Variants in ST6GALNAC3 observed in about 807,000 individuals in gnomAD.
ST6GALNAC3 encodes ST6 N-acetylgalactosaminide alpha-2,6-sialyltransferase 3, also known as alpha-N-acetylgalactosaminide alpha-2,6-sialyltransferase 3.
In ST6GALNAC3, 25 loss-of-function variants were observed where a neutral mutation model predicts 32.7. That is an observed-to-expected ratio of 0.76 (90% CI 0.56 to 1.07). ST6GALNAC3 has a LOEUF of 1.07. ST6GALNAC3 is among the 50% of genes least tolerant of loss of function. The pLI is 0.00. For missense variants in ST6GALNAC3, 355 were observed against 382.4 expected, an observed-to-expected ratio of 0.93 and a Z score of 0.60; for synonymous variants, 129 against 133.1, an observed-to-expected ratio of 0.97 and a Z score of 0.21.
chr1:76,517,970 T>A (rs1416760120), intron 3 of ST6GALNAC3, among the ~76,000 whole-genome samples: 2 of 152,060 alleles, frequency 1.3e-5, no homozygotes, highest in Non-Finnish European at 2.9e-5. Flanking sequence ...ATGTAGTCAA[T>A]CTTTTAAAAT....
intron 1 of ST6GALNAC3, among the ~76,000 whole-genome samples, chr1:76,214,017 A>G (rs1159172863): frequency 6.6e-6 from 1 of 152,182 alleles, no homozygotes; most frequent in Non-Finnish European, 1.5e-5. Flanking sequence ...AAACCCAAGA[A>G]AGAGCAAAAA....
rs774393044 is a variant in ST6GALNAC3, at chr1:76,628,783, C to T, written c.895C>T (p.His299Tyr). ...WAKKHRIIFT[H>Y]PNWTLS The stretch of plus-strand genomic sequence containing the variant: ...CAAGAAGCACAGGATAATATTTACA[C>T]ATCCAAACTGGACATTGTCTTGATA... The change falls in exon 5 of 5, where the codon CAT (histidine) becomes TAT (tyrosine). Residue 299 changes from histidine (H) to tyrosine (Y), a missense_variant. By Grantham distance (83) the His-to-Tyr change is moderately conservative. Coordinates refer to ENST00000328299, the MANE Select transcript of ST6GALNAC3 (RefSeq NM_152996.4). 6.2e-7 allele frequency: 1 copy of T among 1,611,692 alleles called. No individual in the cohort carries two copies. The highest frequency in any genetic ancestry group is 8.5e-7 in the Non-Finnish European group (1 of 1,178,668).
chr1:76,278,845 A>G (rs1382750043), intron 1 of ST6GALNAC3, among the ~76,000 whole-genome samples: 2 of 152,188 alleles, frequency 1.3e-5, no homozygotes, highest in Admixed American at 6.5e-5. Flanking sequence ...TGTTTATGGT[A>G]AAGCCAGGAT....
At position 76,605,720 on chromosome 1, in the gene ST6GALNAC3, C is replaced by T. The variant is rs564401236; in HGVS notation, c.624-21732C>T. On this transcript the variant is annotated intron_variant, in intron 3 of 4. Coordinates refer to ENST00000328299, the MANE Select transcript of ST6GALNAC3 (RefSeq NM_152996.4). ...TTACTACTAAAAATACAAAAGTTAG[C>T]TGGGTGTGGTGATGGACGCCTGTAA... Among the ~76,000 whole-genome samples the T allele has an allele frequency of 1.1e-4, 16 of 151,838 alleles. No homozygotes were observed. In the East Asian group the frequency reaches 3.1e-3, roughly 29 times the overall value.
chr1:76,401,233 T>G (rs1413508407), intron 2 of ST6GALNAC3, among the ~76,000 whole-genome samples: 1 of 152,166 alleles, frequency 6.6e-6, no homozygotes, highest in African/African-American at 2.4e-5. Context: ...CATGTTTCAT[T>G]CTGAGTACTT....
intron 3 of ST6GALNAC3, among the ~76,000 whole-genome samples, chr1:76,569,149 T>C (rs1005020272): frequency 6.6e-6 from 1 of 152,152 alleles, no homozygotes; most frequent in Admixed American, 6.6e-5. Context: ...ACTGCTGTCT[T>C]TGCTGCCCAA....
chr1:76,163,196 T>C (rs1651918345), intron 1 of ST6GALNAC3, among the ~76,000 whole-genome samples: 1 of 152,342 alleles, frequency 6.6e-6, no homozygotes, highest in East Asian at 1.9e-4. Context: ...GCTATATAGA[T>C]CAACACTTAG....
intron 2 of ST6GALNAC3, among the ~76,000 whole-genome samples, chr1:76,346,649 C>T (rs569809238): frequency 3.9e-4 from 59 of 152,220 alleles, no homozygotes; most frequent in African/African-American, 1.3e-3. Context: ...TAAGGACATA[C>T]GTTTTGTGAG....
chr1:76,212,621 C>T (rs1387945348), intron 1 of ST6GALNAC3, among the ~76,000 whole-genome samples: 3 of 152,130 alleles, frequency 2.0e-5, no homozygotes, highest in Non-Finnish European at 4.4e-5. Flanking sequence ...GGGCTTATTT[C>T]CACTTCTACC....
intron 1 of ST6GALNAC3, among the ~76,000 whole-genome samples, chr1:76,312,524 G>A (rs376622160): frequency 1.8e-3 from 271 of 151,554 alleles, no homozygotes; most frequent in Middle Eastern, 3.4e-3. Context: ...CAATCTATCC[G>A]TTTGACAAAG....
intron 1 of ST6GALNAC3, among the ~76,000 whole-genome samples, chr1:76,244,869 A>G (rs1341007890): frequency 2.6e-5 from 4 of 152,118 alleles, no homozygotes; most frequent in East Asian, 1.9e-4. Context: ...GGATTTTCAC[A>G]TCGATGTTAT....
intron 2 of ST6GALNAC3, among the ~76,000 whole-genome samples, chr1:76,316,395 A>G (rs1465302449): frequency 1.3e-5 from 2 of 152,092 alleles, no homozygotes; most frequent in African/African-American, 2.4e-5. Context: ...ATTGATGAGT[A>G]GGAGAATGAA....
At chr1:76,382,036 AC>A (rs1651749358) in intron 2 of ST6GALNAC3, among the ~76,000 whole-genome samples, 1 of 152,164 alleles carries the variant, frequency 6.6e-6, no homozygotes, top group Admixed American at 6.5e-5. Flanking sequence ...ATCTTTATAA[AC>A]ATGGCAGATT....
At chr1:76,522,744 A>G (rs149575429) in intron 3 of ST6GALNAC3, among the ~76,000 whole-genome samples, 2 of 152,284 alleles carry the variant, frequency 1.3e-5, no homozygotes, top group African/African-American at 4.8e-5. Context: ...AAGACATTTC[A>G]TGTGAAATTC....
chr1:76,268,878 A>G (rs1401055744), intron 1 of ST6GALNAC3, among the ~76,000 whole-genome samples: 1 of 152,016 alleles, frequency 6.6e-6, no homozygotes, highest in Non-Finnish European at 1.5e-5. Context: ...CATCTTACTC[A>G]TTCCTCGCCG....
intron 1 of ST6GALNAC3, 30 bp downstream of exon 1, chr1:76,074,914 G>A (rs1167789393): frequency 1.9e-6 from 3 of 1,580,896 alleles, no homozygotes; most frequent in Non-Finnish European, 2.6e-6. Context: ...GCTCGGACGC[G>A]TGGTTGGCCA....
intron 1 of ST6GALNAC3, among the ~76,000 whole-genome samples, chr1:76,246,988 G>C (rs1326922411): frequency 6.6e-6 from 1 of 152,152 alleles, no homozygotes; most frequent in Non-Finnish European, 1.5e-5. Context: ...TGGGGTTTTT[G>C]TGTGGGGGTC....
chr1:76,468,227 T>G (rs1030822261), intron 3 of ST6GALNAC3, among the ~76,000 whole-genome samples: 1 of 151,800 alleles, frequency 6.6e-6, no homozygotes, highest in African/African-American at 2.4e-5. Flanking sequence ...CCTGAAAAAA[T>G]TAAAGCAGCA....
At chr1:76,618,552 A>G (rs1498367) in intron 3 of ST6GALNAC3, among the ~76,000 whole-genome samples, 15,461 of 152,180 alleles carry the variant, frequency 0.1, 996 homozygotes, top group South Asian at 0.19. Flanking sequence ...TTGCTGCATA[A>G]CAAACAATCC....
Sources: gnomAD v4.1 joint callset for allele counts (sites outside exome capture counted in the v4.1 genomes callset) on GRCh38, gnomAD v4.1.1 for gene constraint, MANE v1.5 for transcripts, NCBI Gene and HGNC (gene_info 2026-07-23, HGNC 2026-07-21) for gene names.